NBEA: variants seen among roughly 807,000 people sequenced by gnomAD.
NBEA encodes neurobeachin.
A neutral mutation model predicts 343.4 loss-of-function variants in NBEA; 44 were observed. That is an observed-to-expected ratio of 0.13 (90% CI 0.10 to 0.16). The LOEUF is 0.16. Among genes scored for constraint, NBEA ranks in the 10% least tolerant of loss-of-function variants. The probability of loss-of-function intolerance (pLI) is 1.00; values close to 1 mark genes in which losing one functional copy is unlikely to be tolerated. For synonymous variants in NBEA, 1,175 were observed against 1,238.7 expected, an observed-to-expected ratio of 0.95 and a Z score of 1.08; for missense variants, 2,555 against 3,631.3, an observed-to-expected ratio of 0.70 and a Z score of 7.62.
At chr13:34,992,210 GTGTGTGTGTATA>G (rs1444077139) in intron 1 of NBEA, among the ~76,000 whole-genome samples, 1,414 of 137,042 alleles carry the variant, frequency 0.01, 28 homozygotes, top group African/African-American at 0.031. Flanking sequence ...GTGTGTGTGT[GTGTGTGTGTATA>G]TGTGTGTGTG....
At chr13:35,634,853 TG>T (rs1338776799) in intron 49 of NBEA, among the ~76,000 whole-genome samples, 2 of 152,212 alleles carry the variant, frequency 1.3e-5, no homozygotes, top group Non-Finnish European at 2.9e-5. Context: ...GGGATAACAC[TG>T]CCTCCCTTTG....
intron 33 of NBEA, among the ~76,000 whole-genome samples, chr13:35,224,398 A>G (rs2074541841): frequency 6.6e-6 from 1 of 152,104 alleles, no homozygotes; most frequent in African/African-American, 2.4e-5. Context: ...ATTATTTGAT[A>G]CTGTTTAATA....
chr13:35,594,687 G>A (rs947391123), intron 47 of NBEA, among the ~76,000 whole-genome samples: 1 of 151,984 alleles, frequency 6.6e-6, no homozygotes, highest in Non-Finnish European at 1.5e-5. Flanking sequence ...CAAGGAGGGA[G>A]TCTGTTTCTT....
At chr13:35,617,372 C>T (rs936418687) in intron 48 of NBEA, among the ~76,000 whole-genome samples, 1 of 152,276 alleles carries the variant, frequency 6.6e-6, no homozygotes, top group South Asian at 2.1e-4. Flanking sequence ...GAAGCAGTGC[C>T]GGGTGAAATG....
intron 10 of NBEA, among the ~76,000 whole-genome samples, chr13:35,092,048 GA>G (rs1409141609): frequency 7.9e-5 from 12 of 151,960 alleles, no homozygotes; most frequent in African/African-American, 2.7e-4. Flanking sequence ...TAATAATGAA[GA>G]CCGAGTAATA....
chr13:35,438,839 T>C (rs2045582053), intron 39 of NBEA, among the ~76,000 whole-genome samples: 1 of 152,220 alleles, frequency 6.6e-6, no homozygotes, highest in Admixed American at 6.5e-5. Context: ...AAGGCTAAGT[T>C]ACAAAATATT....
In NBEA at chr13:35,301,296, C is replaced by T. The variant is rs188638778; in HGVS notation, c.5839-8232C>T. On this transcript the variant is annotated intron_variant, in intron 35 of 58. Transcript: ENST00000379939. Reference sequence around the variant, plus strand: ...GTCAACCCGTCATCTAGGTTTTAAGCTCCGCATGCATTAGGTATTTGTCCT... The same window carrying T: ...GTCAACCCGTCATCTAGGTTTTAAGTTCCGCATGCATTAGGTATTTGTCCT... Among the ~76,000 whole-genome samples, 553 of 152,008 alleles carry T rather than the reference C, an allele frequency of 3.6e-3. 2 individuals are homozygous for T. Among genetic ancestry groups the T allele is most frequent in the Admixed American group, 6.0e-3 (91 of 15,252 alleles).
chr13:35,440,001 T>C (rs1008240731), intron 39 of NBEA, among the ~76,000 whole-genome samples: 1 of 152,222 alleles, frequency 6.6e-6, no homozygotes, highest in Non-Finnish European at 1.5e-5. Context: ...CACCTCAGCC[T>C]CCTGAGTAGC....
intron 16 of NBEA, among the ~76,000 whole-genome samples, chr13:35,119,175 T>C (rs1028885422): frequency 2.6e-5 from 4 of 152,240 alleles, no homozygotes; most frequent in African/African-American, 9.6e-5. Flanking sequence ...AGGTGAAATA[T>C]AATTTCTTAA....
chr13:35,369,754 C>T (rs538790463), intron 38 of NBEA, among the ~76,000 whole-genome samples: 1 of 151,936 alleles, frequency 6.6e-6, no homozygotes, highest in African/African-American at 2.4e-5. Context: ...TTGGTGGAGT[C>T]TTTAGGTTTT....
intron 18 of NBEA, among the ~76,000 whole-genome samples, chr13:35,146,970 A>T (rs7985080): frequency 0.016 from 2,438 of 152,212 alleles, 67 homozygotes; most frequent in African/African-American, 0.05. Flanking sequence ...AAGCATCAGT[A>T]TGGGGGTCAA....
intron 10 of NBEA, 197 bp downstream of exon 10, chr13:35,071,049 A>G (rs2063847636): frequency 2.4e-6 from 1 of 413,634 alleles, no homozygotes; most frequent in Non-Finnish European, 4.1e-6. Context: ...TTGTTATATC[A>G]TAAAGGAATG....
At chr13:35,173,655 G>GA in intron 27 of NBEA, 61 bp downstream of exon 27, 2 of 1,521,092 alleles carry the variant, frequency 1.3e-6, no homozygotes, top group South Asian at 2.5e-5. Context: ...TTTTTAAGTT[G>GA]ATGAGAACAA....
At chr13:35,334,203 C>G (rs1000142519) in intron 36 of NBEA, among the ~76,000 whole-genome samples, 2 of 152,112 alleles carry the variant, frequency 1.3e-5, no homozygotes, top group African/African-American at 4.8e-5. Flanking sequence ...TCCTCGCCAG[C>G]ATTTGATATT....
intron 38 of NBEA, among the ~76,000 whole-genome samples, chr13:35,401,433 G>A (rs1179457647): frequency 2.0e-5 from 3 of 152,038 alleles, no homozygotes; most frequent in Admixed American, 6.6e-5. Flanking sequence ...ATAAAATAGT[G>A]TGTGGTCAAA....
intron 35 of NBEA, among the ~76,000 whole-genome samples, chr13:35,301,843 A>G (rs1206008621): frequency 6.6e-6 from 1 of 152,122 alleles, no homozygotes; most frequent in Non-Finnish European, 1.5e-5. Context: ...CCTCGCCAGC[A>G]TCTGTTGCTT....
intron 30 of NBEA, among the ~76,000 whole-genome samples, chr13:35,190,977 T>C (rs1345260697): frequency 6.6e-6 from 1 of 152,110 alleles, no homozygotes; most frequent in Non-Finnish European, 1.5e-5. Flanking sequence ...ATTCTGGAGT[T>C]GAAAATTGTA....
chr13:35,539,816 T>G (rs1305803583), intron 41 of NBEA, among the ~76,000 whole-genome samples: 1 of 145,182 alleles, frequency 6.9e-6, no homozygotes, highest in African/African-American at 2.6e-5. Context: ...CTCCGGAGGC[T>G]GAGGCAGGAG....
At chr13:35,396,084 A>C (rs1165940582) in intron 38 of NBEA, among the ~76,000 whole-genome samples, 1 of 152,038 alleles carries the variant, frequency 6.6e-6, no homozygotes, top group African/African-American at 2.4e-5. Context: ...TTTTTGAGAC[A>C]GGGTCTTGCT....
Sources: allele counts gnomAD v4.1 joint callset (sites outside exome capture counted in the v4.1 genomes callset), GRCh38; gene constraint gnomAD v4.1.1; transcripts MANE v1.5; gene names NCBI Gene and HGNC (gene_info 2026-07-23, HGNC 2026-07-21).